ONECUT1: variants seen among roughly 807,000 people sequenced by gnomAD.
The protein encoded by ONECUT1 is one cut homeobox 1, also known as hepatocyte nuclear factor 6.
A neutral mutation model predicts 25.6 loss-of-function variants in ONECUT1; 12 were observed. The ratio of observed to expected loss-of-function variants is 0.47; its 90% CI spans 0.30 to 0.76. ONECUT1 has a LOEUF of 0.76. Among genes scored for constraint, ONECUT1 ranks in the 30% least tolerant of loss-of-function variants. The probability of loss-of-function intolerance (pLI) is 0.07; values close to 1 mark genes in which losing one functional copy is unlikely to be tolerated. For missense variants in ONECUT1, 620 were observed against 651.2 expected (o/e 0.95, Z 0.52); for synonymous variants, 285 against 270.2 (o/e 1.05, Z -0.54).
intron 1 of ONECUT1, among the ~76,000 whole-genome samples, chr15:52,776,680 T>C (rs1285530972): frequency 6.6e-6 from 1 of 152,222 alleles, no homozygotes; most frequent in Non-Finnish European, 1.5e-5. Context: ...ACTTTATTTC[T>C]ACCCAGATCA....
At chr15:52,763,703 A>C (rs1006899846) in intron 1 of ONECUT1, among the ~76,000 whole-genome samples, 2 of 152,162 alleles carry the variant, frequency 1.3e-5, no homozygotes, top group African/African-American at 4.8e-5. Context: ...TTATTCAGGG[A>C]ATTTCTCTTA....
Position 52,788,446 on chromosome 15 carries a change from G to A in ONECUT1, c.1105+334C>T, listed in dbSNP as rs539844924. 6.8e-6 allele frequency: 2 copies of A among 295,246 alleles called. No individual in the cohort carries two copies. Among genetic ancestry groups the A allele is most frequent in the East Asian group, 1.1e-4 (2 of 17,778 alleles). The allele number at this position is 295,246 out of a possible 1,614,324, so 18.3% of individuals were successfully genotyped here. A position where few individuals can be genotyped will look rare whatever the true frequency, so the allele number is the denominator to read the frequency against. On this transcript the variant is annotated intron_variant, in intron 1 of 1. Transcript: ENST00000305901. This position sits in a 1 kb window ranked among gnomAD's most constrained non-coding sequence, Gnocchi z 4.3. ...ACCCGGATCGCTGAACTGAGAGGTG[G>A]CGCAGAGTGTCTCACCAGGTGCGGG...
At chr15:52,764,518 G>A (rs566922557) in intron 1 of ONECUT1, among the ~76,000 whole-genome samples, 6 of 152,332 alleles carry the variant, frequency 3.9e-5, no homozygotes, top group South Asian at 2.1e-4. Flanking sequence ...ACAGAGCTGG[G>A]CTTGAGCTGT....
chr15:52,766,959 G>C (rs2049316990), intron 1 of ONECUT1, among the ~76,000 whole-genome samples: 1 of 152,294 alleles, frequency 6.6e-6, no homozygotes, highest in East Asian at 1.9e-4. Flanking sequence ...GGAGAGATGG[G>C]AACCCTGGAC....
intron 1 of ONECUT1, among the ~76,000 whole-genome samples, chr15:52,763,511 G>A (rs1596046458): frequency 6.6e-6 from 1 of 152,232 alleles, no homozygotes; most frequent in Non-Finnish European, 1.5e-5. Context: ...AACTTTGCAG[G>A]AGGTTGAAAG....
Position 52,757,757 on chromosome 15 carries a change from G to T in ONECUT1, c.1196C>A (p.Thr399Asn), listed in dbSNP as rs951270492. ...ATTTTCCTTGAATATTGCATGTAGA[G>T]TTCGACGCTGGACATCTGTGAAGAC... The part of the protein sequence containing the change: ...RLVFTDVQRR[T>N]LHAIFKENKR... Residue 399 changes from threonine to asparagine, a missense_variant, in exon 2 of 2, where the codon ACT becomes AAT. Thr to Asn is a moderately conservative substitution (Grantham distance 65, BLOSUM62 0). Transcript: ENST00000305901. The T allele has an allele frequency of 6.2e-7, 1 of 1,614,172 alleles. No homozygotes were observed. Among genetic ancestry groups the T allele is most frequent in the Middle Eastern group, 1.6e-4 (1 of 6,062 alleles).
intron 1 of ONECUT1, chr15:52,780,703 C>T (rs1003437456): frequency 6.6e-7 from 1 of 1,509,682 alleles, no homozygotes; most frequent in African/African-American, 1.4e-5. Flanking sequence ...CACTAGGTGG[C>T]GCGCTTCGCT....
intron 1 of ONECUT1, among the ~76,000 whole-genome samples, chr15:52,763,462 T>C (rs1373442554): frequency 6.6e-6 from 1 of 151,850 alleles, no homozygotes; most frequent in Non-Finnish European, 1.5e-5. Flanking sequence ...GCTTTGCCTA[T>C]AGTGGGCAAG....
At chr15:52,759,691 G>T (rs1380645181) in intron 1 of ONECUT1, among the ~76,000 whole-genome samples, 1 of 152,176 alleles carries the variant, frequency 6.6e-6, no homozygotes, top group East Asian at 1.9e-4. Context: ...CTCTGCCTCC[G>T]TGGGCTCAAG....
intron 1 of ONECUT1, among the ~76,000 whole-genome samples, chr15:52,785,508 G>A (rs1424009877): frequency 1.3e-5 from 2 of 152,186 alleles, no homozygotes; most frequent in Non-Finnish European, 2.9e-5. Context: ...CCCGAACCTC[G>A]GGCCTGCGCG....
intron 1 of ONECUT1, among the ~76,000 whole-genome samples, chr15:52,764,416 G>A (rs1478621896): frequency 6.6e-6 from 1 of 152,214 alleles, no homozygotes. Context: ...TTTGTGAGGT[G>A]AGAGAAGCCA....
chr15:52,757,416 GT>G lies in ONECUT1; in HGVS notation c.*138del, dbSNP rs1479437726. On this transcript the variant is annotated 3_prime_UTR_variant, in exon 2 of 2. Coordinates refer to ENST00000305901, the MANE Select transcript of ONECUT1 (RefSeq NM_004498.4). ...AGAATGCAGGTGAGCTAAGTCTTTGGTTTCTTTGGACTATAAATAACGCTTT... is the reference window on the plus strand; with the variant it reads ...AGAATGCAGGTGAGCTAAGTCTTTGGTTCTTTGGACTATAAATAACGCTTT... The G allele has an allele frequency of 6.1e-6, 6 of 982,166 alleles. No individual in the cohort carries two copies. The highest frequency in any genetic ancestry group is 7.3e-6 in the Non-Finnish European group (5 of 682,442). 60.8% of individuals were successfully genotyped at this position (982,166 alleles called of 1,614,324 possible). A position where few individuals can be genotyped will look rare whatever the true frequency, so the allele number is the denominator to read the frequency against.
At chr15:52,786,001 C>T (rs1373332305) in intron 1 of ONECUT1, 2 of 152,250 alleles carry the variant, frequency 1.3e-5, no homozygotes, top group Non-Finnish European at 2.9e-5. Context: ...CTCAGTGAGC[C>T]CTGACCTCGC....
intron 1 of ONECUT1, among the ~76,000 whole-genome samples, chr15:52,763,894 A>G (rs1290279625): frequency 1.3e-5 from 2 of 152,200 alleles, no homozygotes; most frequent in African/African-American, 2.4e-5. Context: ...CTAGTAATAT[A>G]TTTTTTATTG....
Position 52,757,799 on chromosome 15 carries a change from G to T in ONECUT1, c.1154C>A (p.Pro385His). ...TGTGAAGACCAACCTGGGCTTTTTGGGTGTGTTGCCTCTATCCTTCCCATG... is the reference window on the plus strand; with the variant it reads ...TGTGAAGACCAACCTGGGCTTTTTGTGTGTGTTGCCTCTATCCTTCCCATG... ...QEHGKDRGNT[P>H]KKPRLVFTDV... The change falls in exon 2 of 2, where the codon CCC (proline) becomes CAC (histidine). Residue 385 changes from proline (P) to histidine (H), a missense_variant. This residue lies in a region of ONECUT1 where 146 missense variants were observed against 201.8 expected (regional missense o/e 0.72). Transcript: ENST00000305901. 6.2e-7 allele frequency: 1 copy of T among 1,614,106 alleles called. No homozygotes were observed. Among genetic ancestry groups the T allele is most frequent in the South Asian group, 1.1e-5 (1 of 91,068 alleles).
At chr15:52,786,124 T>C (rs1644652047) in intron 1 of ONECUT1, among the ~76,000 whole-genome samples, 1 of 152,214 alleles carries the variant, frequency 6.6e-6, no homozygotes, top group African/African-American at 2.4e-5. Flanking sequence ...TAATGTCCCG[T>C]AGGAACGGCC....
At chr15:52,781,730 C>T (rs2083842524) in intron 1 of ONECUT1, among the ~76,000 whole-genome samples, 1 of 152,210 alleles carries the variant, frequency 6.6e-6, no homozygotes, top group Non-Finnish European at 1.5e-5. Context: ...AAATCCAATG[C>T]CCATGTCACG....
rs35744646 is a variant in ONECUT1, at chr15:52,756,214, TG to T, written c.*1340del. 6.6e-6 allele frequency among the ~76,000 whole-genome samples: 1 copy of T among 152,242 alleles called. No individual in the cohort carries two copies. On this transcript the variant is annotated 3_prime_UTR_variant, in exon 2 of 2. Coordinates refer to ENST00000305901, the MANE Select transcript of ONECUT1 (RefSeq NM_004498.4). Reference sequence around the variant, plus strand: ...GTTGACGTCCAAGTCATAAAATTTCTGGGATTGGCAATAAGTTAATTTGATA... The same window carrying T: ...GTTGACGTCCAAGTCATAAAATTTCTGGATTGGCAATAAGTTAATTTGATA...
chr15:52,758,646 G>T (rs1484012755), intron 1 of ONECUT1, among the ~76,000 whole-genome samples: 1 of 151,944 alleles, frequency 6.6e-6, no homozygotes, highest in Non-Finnish European at 1.5e-5. Context: ...CACTTACTTG[G>T]TCTCCCACTA....
Sources: allele counts gnomAD v4.1 joint callset (sites outside exome capture counted in the v4.1 genomes callset), GRCh38; gene constraint gnomAD v4.1.1; regional missense constraint gnomAD v4.1.1; non-coding constraint Gnocchi (gnomAD v3.1); transcripts MANE v1.5; gene names NCBI Gene and HGNC (gene_info 2026-07-23, HGNC 2026-07-21).